The following TSNARE1 variants were observed in gnomAD, a reference collection of about 807,000 sequenced individuals.
TSNARE1 encodes the protein t-SNARE domain-containing protein 1.
In TSNARE1, 49 loss-of-function variants were observed where a neutral mutation model predicts 62.0. That is an observed-to-expected ratio of 0.79 (90% CI 0.63 to 1.00). The LOEUF (loss-of-function observed/expected upper bound fraction) is 1.00, where lower values mean the gene tolerates loss of function less well. Ranked by LOEUF, TSNARE1 falls within the 50% of genes least tolerant of loss-of-function variation. The probability of loss-of-function intolerance (pLI) is 0.00; values close to 1 mark genes in which losing one functional copy is unlikely to be tolerated. For synonymous variants in TSNARE1, 328 were observed against 294.4 expected, an observed-to-expected ratio of 1.11 and a Z score of -1.17; for missense variants, 755 against 700.1, an observed-to-expected ratio of 1.08 and a Z score of -0.88.
chr8:142,303,956 C>A (rs985131873), intron 9 of TSNARE1, among the ~76,000 whole-genome samples: 1 of 152,218 alleles, frequency 6.6e-6, no homozygotes, highest in African/African-American at 2.4e-5. Flanking sequence ...GGCAGGGGCA[C>A]GGCCACCCTC....
intron 7 of TSNARE1, 57 bp from the exon 8 acceptor site, chr8:142,315,149 C>G: frequency 1.9e-5 from 30 of 1,563,464 alleles, no homozygotes; most frequent in Non-Finnish European, 2.4e-5. Flanking sequence ...CCCAGCAGCC[C>G]CCACCACCCA....
chr8:142,228,111 G>A (rs1210283039), intron 13 of TSNARE1, among the ~76,000 whole-genome samples: 2 of 152,210 alleles, frequency 1.3e-5, no homozygotes, highest in African/African-American at 4.8e-5. Flanking sequence ...TTCAGCCGCA[G>A]TTGAGTCTTC....
At chr8:142,273,275 T>C (rs1467673432) in intron 12 of TSNARE1, 3 of 985,284 alleles carry the variant, frequency 3.0e-6, no homozygotes, top group East Asian at 1.1e-4. Flanking sequence ...GATCCCAGGG[T>C]GCTCAGGAGG....
Position 142,344,151 on chromosome 8 carries a change from T to G in TSNARE1, c.560A>C (p.Lys187Thr). ...CACGACGGCTCGTAGGTCCCGCCAC[T>G]TGTGCTTCAGGTCCACAACGTCGCG... ...CRRDVVDLKH[K>T]WRDLRAVVRR... The change falls in exon 4 of 14, where the codon AAG becomes ACG. Residue 187 changes from lysine (K) to threonine (T), a missense_variant. By Grantham distance (78) the Lys-to-Thr change is moderately conservative. Transcript: ENST00000524325. 1.9e-6 allele frequency: 3 copies of G among 1,613,184 alleles called. No individual in the cohort carries two copies. The highest frequency in any genetic ancestry group is 2.5e-6 in the Non-Finnish European group (3 of 1,179,828).
intron 12 of TSNARE1, chr8:142,270,079 G>A (rs183308108): frequency 4.7e-5 from 46 of 985,428 alleles, no homozygotes; most frequent in Non-Finnish European, 5.2e-5. Context: ...TGGGCCATGG[G>A]AGCCAGGCAG....
At chr8:142,380,212 T>C (rs7829449) in intron 1 of TSNARE1, among the ~76,000 whole-genome samples, 72,535 of 152,048 alleles carry the variant, frequency 0.48, 20,085 homozygotes, top group African/African-American at 0.76. Flanking sequence ...GAGACACAGA[T>C]GAAAGAACAA....
intron 12 of TSNARE1, among the ~76,000 whole-genome samples, chr8:142,261,538 C>T (rs568092086): frequency 5.6e-4 from 85 of 152,060 alleles, no homozygotes; most frequent in African/African-American, 2.0e-3. Flanking sequence ...AGACTATAGC[C>T]GCTCCCACTG....
intron 13 of TSNARE1, among the ~76,000 whole-genome samples, chr8:142,217,378 G>GAAAGAAAAAAA (rs1563750490): frequency 7.2e-6 from 1 of 139,222 alleles, no homozygotes; most frequent in Non-Finnish European, 1.5e-5. Context: ...AAAGAAAAAA[G>GAAAGAAAAAAA]GGAAAGAAAG....
At chr8:142,339,174 A>G (rs1832184883) in intron 4 of TSNARE1, among the ~76,000 whole-genome samples, 1 of 152,154 alleles carries the variant, frequency 6.6e-6, no homozygotes, top group Non-Finnish European at 1.5e-5. Flanking sequence ...GGGGTCCTCA[A>G]GGAGAAACGG....
At chr8:142,258,038 T>A (rs7465202) in intron 12 of TSNARE1, among the ~76,000 whole-genome samples, 18 of 152,074 alleles carry the variant, frequency 1.2e-4, no homozygotes, top group Admixed American at 7.2e-4. Flanking sequence ...CATGCACACA[T>A]GCACTTGTGC....
In TSNARE1 at chr8:142,330,989, A is replaced by C. The variant is rs1830947192; in HGVS notation, c.824-19T>G. 6.2e-7 allele frequency: 1 copy of C among 1,612,820 alleles called. No individual in the cohort carries two copies. Among genetic ancestry groups the C allele is most frequent in the Non-Finnish European group, 8.5e-7 (1 of 1,179,074 alleles). ...GAGGTCACTGCCCGAGAGAAGAGGG[A>C]CAGGGTGAGGGCAGAAGGAGCTTCC... On this transcript the variant is annotated intron_variant, in intron 5 of 13. Transcript: ENST00000524325.
chr8:142,218,030 C>CT (rs1213486960), intron 13 of TSNARE1, among the ~76,000 whole-genome samples: 8 of 111,940 alleles, frequency 7.1e-5, no homozygotes, highest in East Asian at 2.3e-4. Flanking sequence ...AGGATCAGGG[C>CT]CCAGTATGTG....
intron 2 of TSNARE1, among the ~76,000 whole-genome samples, chr8:142,347,231 C>T (rs1833490624): frequency 1.3e-5 from 2 of 152,240 alleles, no homozygotes; most frequent in African/African-American, 4.8e-5. Context: ...AGTCAGAAGA[C>T]AACCCTCTGG....
intron 1 of TSNARE1, among the ~76,000 whole-genome samples, chr8:142,380,343 C>A (rs1836647173): frequency 6.6e-6 from 1 of 152,210 alleles, no homozygotes; most frequent in African/African-American, 2.4e-5. Flanking sequence ...CCGGACACAG[C>A]AGCAGCAGGC....
At chr8:142,315,717 C>T (rs1327314112) in intron 7 of TSNARE1, among the ~76,000 whole-genome samples, 1 of 152,250 alleles carries the variant, frequency 6.6e-6, no homozygotes, top group African/African-American at 2.4e-5. Context: ...CACCACCCAC[C>T]AGCAGCAGCA....
intron 13 of TSNARE1, among the ~76,000 whole-genome samples, chr8:142,228,883 G>A (rs117755299): frequency 1.4e-4 from 21 of 151,754 alleles, no homozygotes; most frequent in East Asian, 7.9e-4. Flanking sequence ...GATAATGGAC[G>A]AACAGATGGT....
At chr8:142,404,200 C>T (rs756519092), upstream of TSNARE1, 46 of 152,430 alleles carry the variant, frequency 3.0e-4, no homozygotes, top group Non-Finnish European at 5.6e-4. Context: ...GAGGCGTGCC[C>T]TCCCCTTCCC....
intron 13 of TSNARE1, among the ~76,000 whole-genome samples, chr8:142,215,342 G>C (rs144801802): frequency 6.6e-6 from 1 of 152,142 alleles, no homozygotes; most frequent in Admixed American, 6.5e-5. Flanking sequence ...TCAACACAAC[G>C]CAGTGTCCTG....
chr8:142,382,461 G>A (rs1439185861), intron 1 of TSNARE1, among the ~76,000 whole-genome samples: 4 of 152,270 alleles, frequency 2.6e-5, no homozygotes, highest in African/African-American at 4.8e-5. Flanking sequence ...CCTTCTGCTC[G>A]GGATGGCAGC....
Sources: allele counts gnomAD v4.1 joint callset (sites outside exome capture counted in the v4.1 genomes callset), GRCh38; gene constraint gnomAD v4.1.1; transcripts MANE v1.5; gene names NCBI Gene and HGNC (gene_info 2026-07-23, HGNC 2026-07-21).